The following KCNK2 variants were observed in gnomAD, a reference collection of about 807,000 sequenced individuals.
The protein encoded by KCNK2 is potassium channel subfamily K member 2.
KCNK2 carries 21 observed loss-of-function variants against 40.5 expected under a neutral mutation model. The observed-to-expected ratio is 0.52, with a 90% CI of 0.37 to 0.75. The LOEUF is 0.75. Ranked by LOEUF, KCNK2 falls within the 30% of genes least tolerant of loss-of-function variation. The pLI is 0.00. For missense variants in KCNK2, 399 were observed against 531.6 expected, an observed-to-expected ratio of 0.75 and a Z score of 2.45; for synonymous variants, 191 against 202.2, an observed-to-expected ratio of 0.94 and a Z score of 0.47.
At chr1:215,042,494 G>T (rs895099431) in intron 1 of KCNK2, among the ~76,000 whole-genome samples, 1 of 152,080 alleles carries the variant, frequency 6.6e-6, no homozygotes, top group Non-Finnish European at 1.5e-5. Context: ...ACATATTCTG[G>T]TCCAAATAAA....
intron 2 of KCNK2, among the ~76,000 whole-genome samples, chr1:215,122,919 T>C (rs1308141763): frequency 6.6e-6 from 1 of 151,844 alleles, no homozygotes; most frequent in African/African-American, 2.4e-5. Flanking sequence ...TAGTTTTTTG[T>C]ATTTTTAGTA....
chr1:215,070,373 A>ATG, intron 1 of KCNK2, among the ~76,000 whole-genome samples: 1 of 142,688 alleles, frequency 7.0e-6, no homozygotes, highest in Non-Finnish European at 1.5e-5. Flanking sequence ...CCGAGATTGC[A>ATG]CCACTGCACT....
chr1:215,019,066 G>A (rs758403302), intron 1 of KCNK2, among the ~76,000 whole-genome samples: 38 of 151,910 alleles, frequency 2.5e-4, no homozygotes, highest in Non-Finnish European at 5.1e-4. Context: ...CATGTCCTAC[G>A]TATCTGATAA....
chr1:215,191,612 A>C (rs140018954), intron 5 of KCNK2, among the ~76,000 whole-genome samples: 19 of 152,292 alleles, frequency 1.2e-4, no homozygotes, highest in African/African-American at 4.6e-4. Context: ...CACATGTCAT[A>C]TAAGAATGTC....
chr1:215,053,721 C>A (rs530299022), intron 1 of KCNK2, among the ~76,000 whole-genome samples: 1 of 152,312 alleles, frequency 6.6e-6, no homozygotes, highest in African/African-American at 2.4e-5. Context: ...GAACTCAGTA[C>A]AATCCCTGGC....
At chr1:215,005,982 C>T in intron 1 of KCNK2, 1 of 1,597,758 alleles carries the variant, frequency 6.3e-7, no homozygotes, top group Non-Finnish European at 8.6e-7. Flanking sequence ...TAATCAAGTA[C>T]CTTATTTGTT....
chr1:215,076,593 CAA>C lies in KCNK2; in HGVS notation c.35-9774_35-9773del, dbSNP rs966894823. ...CTGGCTTCTACCACAGAAAGAGAAT[CAA>C]GAGAGAGCTAGAGAGAGCACAAAGG... On this transcript the variant is annotated intron_variant, in intron 1 of 6. Coordinates refer to the KCNK2 transcript ENST00000391895. Among the ~76,000 whole-genome samples, 28 of 152,234 alleles carry C rather than the reference CAA, an allele frequency of 1.8e-4. 1 individual carries two copies. Among genetic ancestry groups the C allele is most frequent in the African/African-American group, 6.3e-4 (26 of 41,546 alleles).
At chr1:215,044,808 T>C (rs1482850884) in intron 1 of KCNK2, among the ~76,000 whole-genome samples, 1 of 51,826 alleles carries the variant, frequency 1.9e-5, no homozygotes, top group Non-Finnish European at 4.9e-5. Flanking sequence ...TGTGTGTGTG[T>C]GTGTGTGTGT....
intron 5 of KCNK2, among the ~76,000 whole-genome samples, chr1:215,179,756 T>A (rs1325377209): frequency 6.6e-6 from 1 of 152,124 alleles, no homozygotes; most frequent in Non-Finnish European, 1.5e-5. Context: ...TTTTTAAATT[T>A]ATTGAGATTT....
intron 1 of KCNK2, among the ~76,000 whole-genome samples, chr1:215,049,937 G>T (rs1433668071): frequency 1.3e-5 from 2 of 152,102 alleles, no homozygotes; most frequent in African/African-American, 4.8e-5. Flanking sequence ...CAGGTAGAGT[G>T]ATTCCTACCA....
At chr1:215,111,579 T>A (rs1225626750) in intron 2 of KCNK2, among the ~76,000 whole-genome samples, 1 of 152,198 alleles carries the variant, frequency 6.6e-6, no homozygotes, top group Non-Finnish European at 1.5e-5. Context: ...ATTGTATTCT[T>A]CAGCTCCAAA....
intron 3 of KCNK2, among the ~76,000 whole-genome samples, chr1:215,125,777 T>TATATATATAA (rs1351841467): frequency 9.4e-5 from 4 of 42,434 alleles, no homozygotes; most frequent in Admixed American, 5.2e-4. Context: ...TATATATATA[T>TATATATATAA]AAAATAAAAT....
chr1:215,174,235 C>T (rs1260637412), intron 5 of KCNK2, among the ~76,000 whole-genome samples: 1 of 152,138 alleles, frequency 6.6e-6, no homozygotes, highest in Non-Finnish European at 1.5e-5. Flanking sequence ...GGAATCCTTT[C>T]CCCATTTCTT....
intron 1 of KCNK2, among the ~76,000 whole-genome samples, chr1:215,071,564 G>T (rs976296659): frequency 6.6e-6 from 1 of 152,064 alleles, no homozygotes; most frequent in South Asian, 2.1e-4. Context: ...GAAGTCAGCA[G>T]GTAATAAGCA....
intron 1 of KCNK2, among the ~76,000 whole-genome samples, chr1:215,008,447 TTCAG>T (rs562825387): frequency 2.0e-4 from 31 of 152,186 alleles, no homozygotes; most frequent in African/African-American, 6.0e-4. Flanking sequence ...AACAAGTATT[TTCAG>T]TCAGTCAAAT....
At chr1:215,139,897 A>G (rs1662098093) in intron 3 of KCNK2, among the ~76,000 whole-genome samples, 1 of 152,200 alleles carries the variant, frequency 6.6e-6, no homozygotes, top group Non-Finnish European at 1.5e-5. Flanking sequence ...TAAAAATAGA[A>G]TAATACAGAA....
intron 1 of KCNK2, among the ~76,000 whole-genome samples, chr1:215,034,785 C>G (rs956640422): frequency 6.6e-6 from 1 of 151,980 alleles, no homozygotes. Context: ...ATTGCTTTAT[C>G]TTTGGACAGA....
chr1:215,130,924 A>G lies in KCNK2; in HGVS notation c.475+6174A>G, dbSNP rs527371868. On this transcript the variant is annotated intron_variant, in intron 3 of 6. Transcript: ENST00000444842. ...AGCCTAGGCCGGATTGCAGTGGCAC[A>G]ATCTCGGCTCACTGCAAGCTCCGCC... is the stretch of plus-strand genomic sequence containing the variant. Among the ~76,000 whole-genome samples, 11 of 151,994 alleles carry G rather than the reference A, an allele frequency of 7.2e-5. No individual in the cohort carries two copies. In the East Asian group the frequency reaches 2.1e-3, roughly 29 times the overall value.
rs940994205 is a variant in KCNK2, at chr1:215,125,703, G to A, written c.475+953G>A. 1.7e-4 allele frequency among the ~76,000 whole-genome samples: 25 copies of A among 144,436 alleles called. 2 individuals carry two copies. The highest frequency in any genetic ancestry group is 4.1e-3 in the Middle Eastern group (1 of 244). The allele number at this position is 144,436 out of a possible 152,430, so 94.8% of individuals were successfully genotyped here. A position where few individuals can be genotyped will look rare whatever the true frequency, so the allele number is the denominator to read the frequency against. On this transcript the variant is annotated intron_variant, in intron 3 of 6. Coordinates refer to ENST00000444842, the MANE Select transcript of KCNK2 (RefSeq NM_001017425.3). ...GTATACATATGTAACAAACCTGCACGTTGTGCACATGTACCCTAGAACTTG... is the reference window on the plus strand; with the variant it reads ...GTATACATATGTAACAAACCTGCACATTGTGCACATGTACCCTAGAACTTG...
Sources: gnomAD v4.1 joint callset for allele counts (sites outside exome capture counted in the v4.1 genomes callset) on GRCh38, gnomAD v4.1.1 for gene constraint, MANE v1.5 for transcripts, NCBI Gene and HGNC (gene_info 2026-07-23, HGNC 2026-07-21) for gene names.